SLC4A4: variants seen among roughly 807,000 people sequenced by gnomAD.
SLC4A4 encodes electrogenic sodium bicarbonate cotransporter 1.
A neutral mutation model predicts 111.5 loss-of-function variants in SLC4A4; 27 were observed. That is an observed-to-expected ratio of 0.24 (90% CI 0.18 to 0.33). SLC4A4 has a LOEUF of 0.33. Ranked by LOEUF, SLC4A4 falls within the 10% of genes least tolerant of loss-of-function variation. SLC4A4 has a pLI of 1.00. For synonymous variants in SLC4A4, 443 were observed against 463.4 expected (o/e 0.96, Z 0.57); for missense variants, 909 against 1,315.5 (o/e 0.69, Z 4.78).
chr4:71,243,080 CA>C (rs1214276885), intron 2 of SLC4A4, among the ~76,000 whole-genome samples: 4 of 152,120 alleles, frequency 2.6e-5, no homozygotes, highest in Admixed American at 2.6e-4. Flanking sequence ...GGATATTAAC[CA>C]TAATTGTATA....
At chr4:71,313,600 G>T (rs1017714104) in intron 3 of SLC4A4, among the ~76,000 whole-genome samples, 1 of 152,020 alleles carries the variant, frequency 6.6e-6, no homozygotes, top group Non-Finnish European at 1.5e-5. Flanking sequence ...CAGAACAGAG[G>T]CCTCAGAAAT....
intron 13 of SLC4A4, among the ~76,000 whole-genome samples, chr4:71,466,892 C>T (rs1439996847): frequency 1.4e-5 from 2 of 147,338 alleles, no homozygotes; most frequent in Non-Finnish European, 3.0e-5. Flanking sequence ...TTCTGGCTTC[C>T]TCTTGGGTTT....
chr4:71,210,560 T>A (rs1418066642), intron 1 of SLC4A4, among the ~76,000 whole-genome samples: 1 of 152,166 alleles, frequency 6.6e-6, no homozygotes, highest in African/African-American at 2.4e-5. Flanking sequence ...AACATGTTAT[T>A]TGTGATTTCT....
At chr4:71,185,766 C>A (rs776868766), upstream of SLC4A4, among the ~76,000 whole-genome samples, 1 of 151,910 alleles carries the variant, frequency 6.6e-6, no homozygotes, top group Non-Finnish European at 1.5e-5. Flanking sequence ...TATTTCCTCC[C>A]TACCCTCATT....
intron 3 of SLC4A4, among the ~76,000 whole-genome samples, chr4:71,289,789 G>A (rs1258203603): frequency 6.6e-6 from 1 of 152,216 alleles, no homozygotes; most frequent in Non-Finnish European, 1.5e-5. Context: ...GTGACAATAA[G>A]CAAGACAACA....
intron 16 of SLC4A4, among the ~76,000 whole-genome samples, chr4:71,514,419 A>C (rs1186771181): frequency 6.6e-6 from 1 of 152,160 alleles, no homozygotes; most frequent in East Asian, 1.9e-4. Context: ...CTCCCCAGCC[A>C]TGCTTCCTGT....
chr4:71,206,732 T>A (rs1717790376), intron 1 of SLC4A4, among the ~76,000 whole-genome samples: 1 of 152,040 alleles, frequency 6.6e-6, no homozygotes, highest in African/African-American at 2.4e-5. Context: ...AATCTGTCAA[T>A]AATCTGTGAA....
chr4:71,235,417 C>CAT (rs1416627776), intron 1 of SLC4A4, among the ~76,000 whole-genome samples: 4 of 152,204 alleles, frequency 2.6e-5, no homozygotes, highest in Non-Finnish European at 5.9e-5. Flanking sequence ...AATGCCTGAG[C>CAT]ATATAATTGG....
intron 16 of SLC4A4, among the ~76,000 whole-genome samples, chr4:71,502,580 C>T (rs145592107): frequency 4.0e-4 from 61 of 152,236 alleles, no homozygotes; most frequent in African/African-American, 1.3e-3. Context: ...TTTACTTACA[C>T]ATTGGTTATT....
intron 1 of SLC4A4, among the ~76,000 whole-genome samples, chr4:71,213,083 G>A (rs1379825093): frequency 6.6e-6 from 1 of 152,198 alleles, no homozygotes; most frequent in Non-Finnish European, 1.5e-5. Flanking sequence ...GTAAGAGGCT[G>A]TACCATCTAG....
chr4:71,236,121 G>GTA, intron 1 of SLC4A4: 1 of 1,034,912 alleles, frequency 9.7e-7, no homozygotes, highest in Non-Finnish European at 1.2e-6. Flanking sequence ...ATGTGTGTGT[G>GTA]TGTGAGGGTA....
At chr4:71,510,662 T>C (rs776207989) in intron 16 of SLC4A4, among the ~76,000 whole-genome samples, 1 of 152,322 alleles carries the variant, frequency 6.6e-6, no homozygotes, top group Non-Finnish European at 1.5e-5. Context: ...AAAAAAATAA[T>C]CCATTCAGCC....
rs145378038 is a variant in SLC4A4 at position 71,486,986 on chromosome 4, G to A, written c.1942G>A (p.Glu648Lys). Residue 648 changes from glutamate (E) to lysine (K), a missense_variant, in exon 15 of 26, where the codon GAG becomes AAG. Glu to Lys is a moderately conservative substitution (Grantham distance 56). Around this residue, in one of 7 missense-constraint regions of SLC4A4, gnomAD observed 264 missense variants for 356.8 expected, o/e 0.74. Coordinates refer to ENST00000264485, the MANE Select transcript of SLC4A4 (RefSeq NM_001098484.3). ...SISNDTTLAP[E>K]YLPTMSSTDM... is the part of the protein sequence containing the mutation. ...ATCTAATGACACCACACTGGCCCCA[G>A]AGTATTTGCCAACTATGTCTTCTAC... is the stretch of plus-strand genomic sequence containing the variant. 5.3e-4 allele frequency: 845 copies of A among 1,602,752 alleles called. 2 individuals are homozygous for A. The Middle Eastern group carries it at 8.0e-3, about 15-fold the overall frequency.
intron 16 of SLC4A4, among the ~76,000 whole-genome samples, chr4:71,529,087 T>C (rs1733696657): frequency 6.6e-6 from 1 of 152,088 alleles, no homozygotes; most frequent in Admixed American, 6.6e-5. Context: ...TGCTCAGTAC[T>C]AAAACTATAA....
chr4:71,472,558 TG>T, intron 13 of SLC4A4, 140 bp from the exon 14 acceptor site: 1 of 809,536 alleles, frequency 1.2e-6, no homozygotes, highest in Non-Finnish European at 2.0e-6. Flanking sequence ...TAGTGCTTTC[TG>T]GCTAAAGTAG....
intron 3 of SLC4A4, among the ~76,000 whole-genome samples, chr4:71,264,799 G>T (rs1367790697): frequency 6.6e-6 from 1 of 152,072 alleles, no homozygotes; most frequent in Admixed American, 6.6e-5. Context: ...TTTTATTGAT[G>T]TCCACACACA....
chr4:71,110,773 T>C (rs1172493337), intron 2 of SLC4A4, among the ~76,000 whole-genome samples: 1 of 152,206 alleles, frequency 6.6e-6, no homozygotes, highest in Non-Finnish European at 1.5e-5. Flanking sequence ...CTCTAGATTC[T>C]TTTTAAATGA....
At chr4:71,306,957 C>A (rs2148848390) in intron 3 of SLC4A4, among the ~76,000 whole-genome samples, 1 of 152,226 alleles carries the variant, frequency 6.6e-6, no homozygotes, top group Non-Finnish European at 1.5e-5. Context: ...CTCAGTGACC[C>A]TTTTAACTGT....
chr4:71,545,291 G>A (rs1474416072), intron 18 of SLC4A4, among the ~76,000 whole-genome samples: 3 of 151,970 alleles, frequency 2.0e-5, no homozygotes, highest in Non-Finnish European at 4.4e-5. Context: ...TGAGAGGAGA[G>A]CAGTGTTGTG....
Sources: allele counts gnomAD v4.1 joint callset (sites outside exome capture counted in the v4.1 genomes callset), GRCh38; gene constraint gnomAD v4.1.1; regional missense constraint gnomAD v4.1.1; transcripts MANE v1.5; gene names NCBI Gene and HGNC (gene_info 2026-07-23, HGNC 2026-07-21).